GUCY1A2: variants seen among roughly 807,000 people sequenced by gnomAD.
The protein encoded by GUCY1A2 is guanylate cyclase soluble subunit alpha-2.
A neutral mutation model predicts 63.5 loss-of-function variants in GUCY1A2; 27 were observed. The observed-to-expected ratio is 0.43, with a 90% CI of 0.31 to 0.59. The LOEUF (loss-of-function observed/expected upper bound fraction) is 0.59. GUCY1A2 is among the 20% of genes least tolerant of loss of function. GUCY1A2 has a pLI of 0.11. For synonymous variants in GUCY1A2, 364 were observed against 343.5 expected, an observed-to-expected ratio of 1.06 and a Z score of -0.66; for missense variants, 768 against 913.3, an observed-to-expected ratio of 0.84 and a Z score of 2.05.
chr11:106,764,454 G>A (rs994984789), intron 6 of GUCY1A2, among the ~76,000 whole-genome samples: 1 of 151,890 alleles, frequency 6.6e-6, no homozygotes. Context: ...ATTTACTCTT[G>A]ACAAAAAGTC....
chr11:106,878,648 G>T (rs894111609), intron 4 of GUCY1A2, among the ~76,000 whole-genome samples: 22 of 151,900 alleles, frequency 1.4e-4, no homozygotes, highest in Non-Finnish European at 8.8e-5. Context: ...TGGGAAGAGG[G>T]AGAGGATCTG....
At chr11:106,860,730 A>G (rs2135457018) in intron 4 of GUCY1A2, among the ~76,000 whole-genome samples, 1 of 152,150 alleles carries the variant, frequency 6.6e-6, no homozygotes, top group South Asian at 2.1e-4. Flanking sequence ...AAGCTGTCAG[A>G]TAATGCAACT....
chr11:106,864,395 T>C (rs192760010), intron 4 of GUCY1A2, among the ~76,000 whole-genome samples: 3 of 152,058 alleles, frequency 2.0e-5, no homozygotes, highest in African/African-American at 7.2e-5. Context: ...CTCTTCCTAT[T>C]TGAATACCCT....
At chr11:106,869,288 C>G (rs1859639891) in intron 4 of GUCY1A2, among the ~76,000 whole-genome samples, 1 of 152,266 alleles carries the variant, frequency 6.6e-6, no homozygotes, top group Non-Finnish European at 1.5e-5. Flanking sequence ...AGCTTCTGCA[C>G]AGCAAAAGAA....
intron 1 of GUCY1A2, among the ~76,000 whole-genome samples, chr11:106,991,022 C>T (rs922490388): frequency 2.0e-5 from 3 of 152,172 alleles, no homozygotes; most frequent in African/African-American, 7.2e-5. Context: ...TGGACTCTTG[C>T]TCTGTCGCCC....
intron 6 of GUCY1A2, among the ~76,000 whole-genome samples, chr11:106,774,747 A>C (rs1232709162): frequency 6.6e-6 from 1 of 152,028 alleles, no homozygotes; most frequent in African/African-American, 2.4e-5. Context: ...CCATTTTTAA[A>C]TATCTGAACT....
rs74822227 is a variant in GUCY1A2 at position 106,814,719 on chromosome 11, C to T, written c.1207-4241G>A. 4.0e-3 allele frequency among the ~76,000 whole-genome samples: 604 copies of T among 152,114 alleles called. 1 individual carries two copies. Among genetic ancestry groups the T allele is most frequent in the African/African-American group, 0.014 (574 of 41,518 alleles). On this transcript the variant is annotated intron_variant, in intron 4 of 7. Transcript: ENST00000526355. The stretch of plus-strand genomic sequence containing the variant: ...CCAAGATGAAAATAGCACCACATAA[C>T]CTCTGAAAATTACACAGTCATTGCA...
chr11:106,914,622 AAAT>A (rs1327253190), intron 4 of GUCY1A2, among the ~76,000 whole-genome samples: 2 of 151,954 alleles, frequency 1.3e-5, no homozygotes, highest in Non-Finnish European at 2.9e-5. Flanking sequence ...AATCACAAGG[AAAT>A]AATTACAAGG....
At chr11:106,818,525 A>C (rs1187065582) in intron 4 of GUCY1A2, among the ~76,000 whole-genome samples, 2 of 152,140 alleles carry the variant, frequency 1.3e-5, no homozygotes, top group Non-Finnish European at 2.9e-5. Context: ...GAGAACAACA[A>C]TATTGAAATT....
chr11:106,827,936 G>A lies in GUCY1A2; in HGVS notation c.1207-17458C>T, dbSNP rs528760600. The A allele has an allele frequency of 4.4e-5, 52 of 1,170,868 alleles. 1 individual carries two copies. Among genetic ancestry groups the A allele is most frequent in the African/African-American group, 4.4e-4 (29 of 66,410 alleles). 72.5% of individuals were successfully genotyped at this position (1,170,868 alleles called of 1,614,324 possible). A position where few individuals can be genotyped will look rare whatever the true frequency, so the allele number is the denominator to read the frequency against. On this transcript the variant is annotated intron_variant, in intron 4 of 7. Transcript: ENST00000526355. Reference sequence around the variant, plus strand: ...TTACTGAATATCGCGGCGGAACAGCGAGACTCTGGACTCCAGGAGAGGAAG... The same window carrying A: ...TTACTGAATATCGCGGCGGAACAGCAAGACTCTGGACTCCAGGAGAGGAAG...
chr11:106,846,604 G>C (rs1859276937), intron 4 of GUCY1A2, among the ~76,000 whole-genome samples: 1 of 151,606 alleles, frequency 6.6e-6, no homozygotes, highest in African/African-American at 2.4e-5. Context: ...GAGATCTTCA[G>C]GGGAAACATT....
At chr11:106,756,507 G>C (rs1376778862) in intron 6 of GUCY1A2, among the ~76,000 whole-genome samples, 3 of 152,088 alleles carry the variant, frequency 2.0e-5, no homozygotes, top group Non-Finnish European at 2.9e-5. Context: ...TCCATGTTTA[G>C]TGCTTCCTTC....
At chr11:106,725,502 A>G (rs1377328171) in intron 6 of GUCY1A2, among the ~76,000 whole-genome samples, 2 of 152,106 alleles carry the variant, frequency 1.3e-5, no homozygotes, top group African/African-American at 4.8e-5. Flanking sequence ...TATATTTAGG[A>G]GAGTATACAT....
chr11:106,773,004 G>A (rs907997092), intron 6 of GUCY1A2, among the ~76,000 whole-genome samples: 1 of 152,014 alleles, frequency 6.6e-6, no homozygotes, highest in Non-Finnish European at 1.5e-5. Flanking sequence ...TCACTGGTAG[G>A]AGTGGTTAGA....
Position 106,932,652 on chromosome 11 carries a change from C to T in GUCY1A2, c.1206+6808G>A, listed in dbSNP as rs1293294108. Among the ~76,000 whole-genome samples the T allele has an allele frequency of 2.0e-5, 3 of 152,026 alleles. No homozygotes were observed. In the East Asian group the frequency reaches 5.8e-4, roughly 29 times the overall value. On this transcript the variant is annotated intron_variant, in intron 4 of 7. Transcript: ENST00000526355. ...GTTCATATGGAACCAAAAAAAGAGC[C>T]CAAATAACCAAAGCAATCCTAAGCA...
intron 4 of GUCY1A2, among the ~76,000 whole-genome samples, chr11:106,864,076 G>T (rs527865791): frequency 6.6e-6 from 1 of 151,934 alleles, no homozygotes; most frequent in Non-Finnish European, 1.5e-5. Context: ...GGTTGGGAGC[G>T]ATAGGGGATG....
intron 6 of GUCY1A2, among the ~76,000 whole-genome samples, chr11:106,756,344 T>C (rs1296065365): frequency 6.6e-6 from 1 of 152,220 alleles, no homozygotes; most frequent in African/African-American, 2.4e-5. Context: ...TTAGCACTTT[T>C]ACATTTAAGG....
intron 6 of GUCY1A2, among the ~76,000 whole-genome samples, chr11:106,735,503 T>G (rs373841878): frequency 6.6e-6 from 1 of 152,182 alleles, no homozygotes; most frequent in Non-Finnish European, 1.5e-5. Flanking sequence ...TAGTATTCCA[T>G]GTGCATATGT....
chr11:106,702,182 T>C (rs1015608269), intron 7 of GUCY1A2, among the ~76,000 whole-genome samples: 1 of 152,160 alleles, frequency 6.6e-6, no homozygotes, highest in Non-Finnish European at 1.5e-5. Flanking sequence ...TATAAATAAA[T>C]TGTCAGTAAT....
Sources: gnomAD v4.1 joint callset for allele counts (sites outside exome capture counted in the v4.1 genomes callset) on GRCh38, gnomAD v4.1.1 for gene constraint, MANE v1.5 for transcripts, NCBI Gene and HGNC (gene_info 2026-07-23, HGNC 2026-07-21) for gene names.